The following NKAIN2 variants were observed in gnomAD, a reference collection of about 807,000 sequenced individuals.
The protein encoded by NKAIN2 is sodium/potassium transporting ATPase interacting 2.
Under a neutral mutation model 32.6 loss-of-function variants are expected in NKAIN2, and 14 were observed. The observed-to-expected ratio is 0.43, with a 90% CI of 0.28 to 0.67. The LOEUF is 0.67. NKAIN2 is among the 30% of genes least tolerant of loss of function. NKAIN2 has a pLI of 0.17. For missense variants in NKAIN2, 198 were observed against 258.3 expected, an observed-to-expected ratio of 0.77 and a Z score of 1.60; for synonymous variants, 80 against 87.2, an observed-to-expected ratio of 0.92 and a Z score of 0.46.
rs755017479 is a variant in NKAIN2, at chr6:124,791,373, A to T, written c.509A>T (p.Lys170Ile). The stretch of plus-strand genomic sequence containing the variant: ...TTCATCTACGCCTGTTATGTTGTGA[A>T]ATGTATAACTGAAGAAGAGGACAGC... ...AGFIYACYVV[K>I]CITEEEDSFD... The change falls in exon 5 of 7, where the codon AAA (lysine) becomes ATA (isoleucine). Residue 170 changes from lysine (K) to isoleucine (I), a missense_variant. By Grantham distance (102) the Lys-to-Ile change is moderately radical. Coordinates refer to ENST00000368417, the MANE Select transcript of NKAIN2 (RefSeq NM_001040214.3). 6.2e-7 allele frequency: 1 copy of T among 1,608,888 alleles called. No individual in the cohort carries two copies. Among genetic ancestry groups the T allele is most frequent in the Non-Finnish European group, 8.5e-7 (1 of 1,176,264 alleles).
At position 124,121,231 on chromosome 6, in the gene NKAIN2, GA is replaced by G. The variant is rs548171320; in HGVS notation, c.55-161768del. ...GTACAAACTTTTAATTTATTAAGGG[GA>G]AAAAATATGACAGAGTGTTGAGACG... On this transcript the variant is annotated intron_variant, in intron 1 of 6. Transcript: ENST00000368417. 2.4e-3 allele frequency among the ~76,000 whole-genome samples: 369 copies of G among 152,068 alleles called. 2 individuals are homozygous for G. The highest frequency in any genetic ancestry group is 8.6e-3 in the African/African-American group (355 of 41,512).
intron 4 of NKAIN2, among the ~76,000 whole-genome samples, chr6:124,752,762 G>A (rs1257689147): frequency 6.6e-6 from 1 of 152,038 alleles, no homozygotes; most frequent in Admixed American, 6.6e-5. Flanking sequence ...ATCTAAGTAT[G>A]CATCCAATGT....
At chr6:124,112,968 C>T (rs1785451360) in intron 1 of NKAIN2, among the ~76,000 whole-genome samples, 1 of 151,888 alleles carries the variant, frequency 6.6e-6, no homozygotes, top group African/African-American at 2.4e-5. Flanking sequence ...GGGCTCTCAA[C>T]CTTATGAAAG....
At chr6:123,864,889 C>T (rs1367141036) in intron 1 of NKAIN2, among the ~76,000 whole-genome samples, 3 of 152,080 alleles carry the variant, frequency 2.0e-5, no homozygotes, top group Admixed American at 2.0e-4. Flanking sequence ...AACATTATAT[C>T]AAGCTTTAAT....
In NKAIN2 at chr6:124,278,659, A is replaced by G. The variant is rs1487575592; in HGVS notation, c.55-4346A>G. ...ACACATATACATAGCTCATATATAT[A>G]TATATATATATATATATATATATAT... On this transcript the variant is annotated intron_variant, in intron 1 of 6. Coordinates refer to ENST00000368417, the MANE Select transcript of NKAIN2 (RefSeq NM_001040214.3). 2.3e-3 allele frequency among the ~76,000 whole-genome samples: 194 copies of G among 83,706 alleles called. 4 individuals are homozygous for G. The highest frequency in any genetic ancestry group is 0.011 in the African/African-American group (190 of 17,262). The allele number at this position is 83,706 out of a possible 152,430, so 54.9% of individuals were successfully genotyped here.
intron 4 of NKAIN2, among the ~76,000 whole-genome samples, chr6:124,771,265 T>C (rs990160908): frequency 1.3e-5 from 2 of 152,228 alleles, no homozygotes; most frequent in Non-Finnish European, 2.9e-5. Flanking sequence ...CAGAGATTCA[T>C]ATTGTTTATA....
intron 5 of NKAIN2, among the ~76,000 whole-genome samples, chr6:124,810,347 A>G (rs536138768): frequency 6.6e-6 from 1 of 152,146 alleles, no homozygotes; most frequent in South Asian, 2.1e-4. Context: ...CATGGATGAA[A>G]TTGGAAATCA....
chr6:124,055,611 G>A (rs929627844), intron 1 of NKAIN2, among the ~76,000 whole-genome samples: 15 of 151,756 alleles, frequency 9.9e-5, no homozygotes, highest in African/African-American at 3.6e-4. Flanking sequence ...TGGCAGCTCT[G>A]GGTGGAATTC....
chr6:124,136,427 C>T (rs1786788867), intron 1 of NKAIN2, among the ~76,000 whole-genome samples: 1 of 151,946 alleles, frequency 6.6e-6, no homozygotes, highest in Non-Finnish European at 1.5e-5. Context: ...TTCTATCAGA[C>T]ATTTAAAGAA....
chr6:124,636,855 T>G (rs1783790244), intron 3 of NKAIN2, among the ~76,000 whole-genome samples: 1 of 151,916 alleles, frequency 6.6e-6, no homozygotes, highest in African/African-American at 2.4e-5. Context: ...TCACAAAAAC[T>G]GAAAAGGAAG....
chr6:124,066,406 G>T (rs1033612539), intron 1 of NKAIN2, among the ~76,000 whole-genome samples: 17 of 152,096 alleles, frequency 1.1e-4, no homozygotes, highest in Non-Finnish European at 2.4e-4. Context: ...GACTGCACTG[G>T]CAGGAATATG....
At position 124,765,035 on chromosome 6, in the gene NKAIN2, T is replaced by C. The variant is rs190953033; in HGVS notation, c.475-26304T>C. On this transcript the variant is annotated intron_variant, in intron 4 of 6. Transcript: ENST00000368417. ...AAATATATTGTTTCCACTTAAGCAATCTCCAGATAATATTTTAAAAGATAA... is the reference window on the plus strand; with the variant it reads ...AAATATATTGTTTCCACTTAAGCAACCTCCAGATAATATTTTAAAAGATAA... Among the ~76,000 whole-genome samples, 16 of 152,290 alleles carry C rather than the reference T, an allele frequency of 1.1e-4. No homozygotes were observed. The South Asian group carries it at 2.1e-3, about 20-fold the overall frequency.
intron 1 of NKAIN2, among the ~76,000 whole-genome samples, chr6:124,064,825 C>G (rs964981561): frequency 6.6e-6 from 1 of 152,130 alleles, no homozygotes; most frequent in Non-Finnish European, 1.5e-5. Flanking sequence ...GCATTCTCTG[C>G]TACCTCTCTT....
intron 3 of NKAIN2, among the ~76,000 whole-genome samples, chr6:124,484,297 G>A (rs500996): frequency 0.17 from 25,135 of 152,090 alleles, 2,174 homozygotes; most frequent in East Asian, 0.25. Context: ...TGAACTTGGG[G>A]TTCAACAACC....
At chr6:124,816,946 A>G (rs1272091378) in intron 5 of NKAIN2, among the ~76,000 whole-genome samples, 2 of 152,212 alleles carry the variant, frequency 1.3e-5, no homozygotes, top group Non-Finnish European at 2.9e-5. Flanking sequence ...TGACTGTTCC[A>G]GTTACCATTG....
chr6:124,299,512 C>T (rs530458352), intron 2 of NKAIN2, among the ~76,000 whole-genome samples: 14 of 151,994 alleles, frequency 9.2e-5, no homozygotes, highest in African/African-American at 2.7e-4. Context: ...CTTTCCTTGA[C>T]GATTCATGAT....
chr6:123,929,979 T>C (rs975365734), intron 1 of NKAIN2, among the ~76,000 whole-genome samples: 1 of 152,068 alleles, frequency 6.6e-6, no homozygotes, highest in African/African-American at 2.4e-5. Flanking sequence ...GAATTTACCA[T>C]AAATAGAAAT....
At chr6:124,394,703 C>T (rs532234099) in intron 3 of NKAIN2, among the ~76,000 whole-genome samples, 40 of 151,206 alleles carry the variant, frequency 2.6e-4, no homozygotes, top group African/African-American at 9.5e-4. Flanking sequence ...AGGAGGAATT[C>T]AGCCTTTTTG....
intron 1 of NKAIN2, among the ~76,000 whole-genome samples, chr6:123,950,871 G>C (rs1045207334): frequency 2.0e-5 from 3 of 151,512 alleles, no homozygotes; most frequent in African/African-American, 7.3e-5. Flanking sequence ...TTCCTTGAAG[G>C]GTATATTAGA....
Sources: gnomAD v4.1 joint callset for allele counts (sites outside exome capture counted in the v4.1 genomes callset) on GRCh38, gnomAD v4.1.1 for gene constraint, MANE v1.5 for transcripts, NCBI Gene and HGNC (gene_info 2026-07-23, HGNC 2026-07-21) for gene names.